Variants in RRAS2 observed in about 807,000 individuals in gnomAD.
The protein encoded by RRAS2 is RAS related 2, also known as ras-related protein R-Ras2.
A neutral mutation model predicts 27.6 loss-of-function variants in RRAS2; 7 were observed. That is an observed-to-expected ratio of 0.25 (90% CI 0.14 to 0.48). The LOEUF (loss-of-function observed/expected upper bound fraction) is 0.48. Among genes scored for constraint, RRAS2 ranks in the 20% least tolerant of loss-of-function variants. The probability of loss-of-function intolerance (pLI) is 0.99; values close to 1 mark genes in which losing one functional copy is unlikely to be tolerated. For synonymous variants in RRAS2, 86 were observed against 90.9 expected, an observed-to-expected ratio of 0.95 and a Z score of 0.31; for missense variants, 178 against 256.2, an observed-to-expected ratio of 0.69 and a Z score of 2.08.
intron 1 of RRAS2, among the ~76,000 whole-genome samples, chr11:14,337,762 G>A (rs1554952736): frequency 1.3e-5 from 2 of 151,912 alleles, no homozygotes; most frequent in African/African-American, 4.8e-5. Flanking sequence ...GCAGGTAAGG[G>A]GGGACTACTG....
chr11:14,315,502 G>A (rs1848080120), intron 1 of RRAS2, among the ~76,000 whole-genome samples: 1 of 152,168 alleles, frequency 6.6e-6, no homozygotes, highest in Admixed American at 6.5e-5. Context: ...ACAACTAAAT[G>A]TAATGTGTTA....
chr11:14,300,259 T>C (rs1015081822), intron 1 of RRAS2, among the ~76,000 whole-genome samples: 4 of 152,212 alleles, frequency 2.6e-5, no homozygotes, highest in African/African-American at 7.2e-5. Flanking sequence ...AAGGGCAGCA[T>C]GCCTTCCCGG....
At chr11:14,308,737 G>A (rs1273862891) in intron 1 of RRAS2, among the ~76,000 whole-genome samples, 2 of 152,104 alleles carry the variant, frequency 1.3e-5, no homozygotes, top group Admixed American at 6.6e-5. Context: ...TTTTTACAAG[G>A]AGTAAAACGT....
At chr11:14,346,015 C>G (rs192053008) in intron 1 of RRAS2, among the ~76,000 whole-genome samples, 211 of 152,228 alleles carry the variant, frequency 1.4e-3, no homozygotes, top group Non-Finnish European at 2.3e-3. Flanking sequence ...TAAATAGTAT[C>G]AAGCTTTACA....
intron 1 of RRAS2, among the ~76,000 whole-genome samples, chr11:14,315,129 G>C (rs368821368): frequency 6.6e-6 from 1 of 152,118 alleles, no homozygotes; most frequent in African/African-American, 2.4e-5. Context: ...TCCTCATTCC[G>C]TAAGTGTGAG....
chr11:14,313,165 G>A (rs1216688620), intron 1 of RRAS2, among the ~76,000 whole-genome samples: 1 of 152,144 alleles, frequency 6.6e-6, no homozygotes. Flanking sequence ...AAATACCCAA[G>A]TACGTAGGTT....
intron 1 of RRAS2, among the ~76,000 whole-genome samples, chr11:14,328,293 G>A (rs1005893958): frequency 2.0e-5 from 3 of 150,504 alleles, no homozygotes; most frequent in Non-Finnish European, 2.9e-5. Flanking sequence ...TTGAACCCAG[G>A]AGGTGGAGGT....
At chr11:14,332,110 C>G (rs1465860690) in intron 1 of RRAS2, among the ~76,000 whole-genome samples, 1 of 152,148 alleles carries the variant, frequency 6.6e-6, no homozygotes, top group African/African-American at 2.4e-5. Context: ...TTATAAGAAA[C>G]CACCTGTTTC....
chr11:14,311,317 A>G (rs1847959724), intron 1 of RRAS2, among the ~76,000 whole-genome samples: 2 of 152,240 alleles, frequency 1.3e-5, no homozygotes, highest in South Asian at 4.1e-4. Flanking sequence ...ACTGCACTCC[A>G]GCTTGGGCAA....
intron 1 of RRAS2, among the ~76,000 whole-genome samples, chr11:14,311,291 C>A (rs1215424221): frequency 1.3e-5 from 2 of 152,182 alleles, no homozygotes; most frequent in African/African-American, 4.8e-5. Context: ...CTACAGTGAG[C>A]TATCATCATC....
At chr11:14,281,114 T>C (rs1038117249) in intron 5 of RRAS2, among the ~76,000 whole-genome samples, 3 of 152,216 alleles carry the variant, frequency 2.0e-5, no homozygotes, top group African/African-American at 4.8e-5. Context: ...AAAAGAAAGG[T>C]AGGAGCACAG....
intron 1 of RRAS2, among the ~76,000 whole-genome samples, chr11:14,351,377 T>C (rs1266951179): frequency 6.6e-6 from 1 of 152,172 alleles, no homozygotes; most frequent in Non-Finnish European, 1.5e-5. Context: ...CATCAGGTAA[T>C]AGTATAATAA....
At chr11:14,285,333 G>C (rs1332465341) in intron 4 of RRAS2, among the ~76,000 whole-genome samples, 4 of 152,116 alleles carry the variant, frequency 2.6e-5, no homozygotes, top group Non-Finnish European at 5.9e-5. Flanking sequence ...AGGATCACTT[G>C]AGCTCAAGAG....
At chr11:14,352,476 A>C (rs782403114) in intron 1 of RRAS2, among the ~76,000 whole-genome samples, 4 of 152,200 alleles carry the variant, frequency 2.6e-5, no homozygotes, top group Non-Finnish European at 5.9e-5. Flanking sequence ...CTACAAGTTT[A>C]AGTTTCAATC....
intron 4 of RRAS2, among the ~76,000 whole-genome samples, chr11:14,294,220 A>G (rs1036392404): frequency 2.6e-5 from 4 of 152,258 alleles, no homozygotes; most frequent in African/African-American, 7.2e-5. Context: ...GCAGGCTTAT[A>G]AAGTCTTATA....
chr11:14,328,231 T>C (rs1848406724), intron 1 of RRAS2, among the ~76,000 whole-genome samples: 1 of 151,850 alleles, frequency 6.6e-6, no homozygotes, highest in Non-Finnish European at 1.5e-5. Flanking sequence ...CCAGGTGTGG[T>C]GGTGCATGCC....
chr11:14,286,942 T>G (rs141157798), intron 4 of RRAS2, among the ~76,000 whole-genome samples: 16 of 152,338 alleles, frequency 1.1e-4, no homozygotes, highest in African/African-American at 3.8e-4. Flanking sequence ...TTAGGAAAAT[T>G]TGACATGTGA....
chr11:14,279,465 T>G (rs1554943987), intron 5 of RRAS2, 41 bp from the exon 6 acceptor site: 1 of 1,343,376 alleles, frequency 7.4e-7, no homozygotes, highest in African/African-American at 1.4e-5. Flanking sequence ...GCCTTCTTGG[T>G]AATCTACTAT....
chr11:14,305,583 C>A (rs782571926), intron 1 of RRAS2, among the ~76,000 whole-genome samples: 1 of 152,178 alleles, frequency 6.6e-6, no homozygotes, highest in Non-Finnish European at 1.5e-5. Context: ...TAGCCTTCTT[C>A]TGAAAACATT....
Sources: gnomAD v4.1 joint callset for allele counts (sites outside exome capture counted in the v4.1 genomes callset) on GRCh38, gnomAD v4.1.1 for gene constraint, MANE v1.5 for transcripts, NCBI Gene and HGNC (gene_info 2026-07-23, HGNC 2026-07-21) for gene names.